Variants in KIF26B observed in about 807,000 individuals in gnomAD.
KIF26B encodes kinesin-like protein KIF26B.
In KIF26B, 63 loss-of-function variants were observed where a neutral mutation model predicts 151.2. The observed-to-expected ratio is 0.42, with a 90% CI of 0.34 to 0.51. The LOEUF is 0.51. Among genes scored for constraint, KIF26B ranks in the 20% least tolerant of loss-of-function variants. KIF26B has a pLI of 0.07. For synonymous variants in KIF26B, 1,357 were observed against 1,262.1 expected (o/e 1.08, Z -1.59); for missense variants, 2,813 against 2,913.6 (o/e 0.97, Z 0.79).
chr1:245,296,967 A>C (rs1230778380), intron 2 of KIF26B, among the ~76,000 whole-genome samples: 2 of 152,240 alleles, frequency 1.3e-5, no homozygotes, highest in Non-Finnish European at 2.9e-5. Flanking sequence ...TGAAGCAAGC[A>C]GAACTGACCT....
intron 2 of KIF26B, among the ~76,000 whole-genome samples, chr1:245,250,999 C>T (rs1558361814): frequency 6.6e-6 from 1 of 152,116 alleles, no homozygotes; most frequent in Non-Finnish European, 1.5e-5. Flanking sequence ...CAGAGGAAAC[C>T]ACGTGCAAGC....
In KIF26B at chr1:245,642,555, C is replaced by T. The variant is rs564022340; in HGVS notation, c.2099-3566C>T. 2.1e-3 allele frequency among the ~76,000 whole-genome samples: 254 copies of T among 123,048 alleles called. 1 individual carries two copies. Among genetic ancestry groups the T allele is most frequent in the Admixed American group, 2.9e-3 (33 of 11,560 alleles). 80.7% of individuals were successfully genotyped at this position (123,048 alleles called of 152,430 possible). On this transcript the variant is annotated intron_variant, in intron 9 of 14. Coordinates refer to ENST00000407071, the MANE Select transcript of KIF26B (RefSeq NM_018012.4). ...CAGCCTGGGGGACAGAGCGAGACTC[C>T]GTCTCAGAAAAAAAAAAAAAAAAAA...
chr1:245,684,229 G>A lies in KIF26B; in HGVS notation c.2259-4G>A. On this transcript the variant is annotated splice_region_variant and splice_polypyrimidine_tract_variant and intron_variant, in intron 10 of 14. Transcript: ENST00000407071. Reference sequence around the variant, plus strand: ...AATGCAGCCTAATTCACTTTGTTTGGCAGAGAGAGCAAGCTCGCCATGTTG... The same window carrying A: ...AATGCAGCCTAATTCACTTTGTTTGACAGAGAGAGCAAGCTCGCCATGTTG... 6.2e-7 allele frequency: 1 copy of A among 1,611,480 alleles called. No individual in the cohort carries two copies. Among genetic ancestry groups the A allele is most frequent in the Non-Finnish European group, 8.5e-7 (1 of 1,177,856 alleles).
intron 4 of KIF26B, among the ~76,000 whole-genome samples, chr1:245,430,326 C>T (rs1473829714): frequency 6.6e-6 from 1 of 151,916 alleles, no homozygotes; most frequent in African/African-American, 2.4e-5. Context: ...TACAGTACCG[C>T]TATAATATGT....
intron 2 of KIF26B, among the ~76,000 whole-genome samples, chr1:245,336,489 A>T (rs1672236229): frequency 6.6e-6 from 1 of 152,074 alleles, no homozygotes; most frequent in African/African-American, 2.4e-5. Context: ...CTGGGGAGGG[A>T]TGCTGTTTTG....
In KIF26B at chr1:245,352,242, CT is replaced by C. The variant is rs1423657885; in HGVS notation, c.466-14591del. Among the ~76,000 whole-genome samples, 2 of 152,144 alleles carry C rather than the reference CT, an allele frequency of 1.3e-5. No homozygotes were observed. The highest frequency in any genetic ancestry group is 2.4e-5 in the African/African-American group (1 of 41,444). Reference sequence around the variant, plus strand: ...TAGGTTTTTATTCTACCATTCCTACCTCCAGTTTTTTGTTTGTTTGTTTGTT... The same window carrying C: ...TAGGTTTTTATTCTACCATTCCTACCCCAGTTTTTTGTTTGTTTGTTTGTT... On this transcript the variant is annotated intron_variant, in intron 2 of 14. Coordinates refer to ENST00000407071, the MANE Select transcript of KIF26B (RefSeq NM_018012.4). This position sits in a 1 kb window ranked among gnomAD's most constrained non-coding sequence, Gnocchi z 5.0.
At chr1:245,670,492 AT>A (rs35792058) in intron 10 of KIF26B, among the ~76,000 whole-genome samples, 5 of 148,030 alleles carry the variant, frequency 3.4e-5, no homozygotes, top group African/African-American at 1.0e-4. Context: ...CCTAGTTATC[AT>A]TTTTTTTTGT....
Position 245,412,911 on chromosome 1 carries a change from G to A in KIF26B, c.1000-6668G>A, listed in dbSNP as rs74153576. Among the ~76,000 whole-genome samples the A allele has an allele frequency of 6.2e-3, 951 of 152,222 alleles. 12 individuals are homozygous for A. The highest frequency in any genetic ancestry group is 0.021 in the African/African-American group (871 of 41,504). On this transcript the variant is annotated intron_variant, in intron 3 of 14. Transcript: ENST00000407071. ...CACATGCACACGTGTCGACACCTGCGCAGACACACATGTGCACCCTCTCCC... is the reference window on the plus strand; with the variant it reads ...CACATGCACACGTGTCGACACCTGCACAGACACACATGTGCACCCTCTCCC...
chr1:245,234,328 G>C (rs1233564433), intron 2 of KIF26B: 1 of 152,220 alleles, frequency 6.6e-6, no homozygotes, highest in African/African-American at 2.4e-5. Context: ...ACGCCCCCCT[G>C]CCGGGCTGGG....
At chr1:245,198,375 A>G (rs960202400) in intron 2 of KIF26B, among the ~76,000 whole-genome samples, 1 of 152,252 alleles carries the variant, frequency 6.6e-6, no homozygotes, top group Non-Finnish European at 1.5e-5. Flanking sequence ...GTTATTTAAT[A>G]TAGGGATTAA....
chr1:245,650,042 C>T (rs994973810), intron 10 of KIF26B, among the ~76,000 whole-genome samples: 26 of 152,288 alleles, frequency 1.7e-4, no homozygotes, highest in African/African-American at 6.0e-4. Context: ...ACAGGCTTGC[C>T]GGCCAGTCCA....
At chr1:245,333,653 C>T (rs1672162666) in intron 2 of KIF26B, among the ~76,000 whole-genome samples, 1 of 152,182 alleles carries the variant, frequency 6.6e-6, no homozygotes, top group Admixed American at 6.5e-5. Context: ...TGTAACTCTC[C>T]ATTTTTTATC....
At chr1:245,345,353 T>A (rs576417604) in intron 2 of KIF26B, among the ~76,000 whole-genome samples, 1 of 152,186 alleles carries the variant, frequency 6.6e-6, no homozygotes, top group East Asian at 1.9e-4. Context: ...AAACATCAGA[T>A]CTAACCACCT....
chr1:245,185,447 G>A (rs1022884497), intron 2 of KIF26B, among the ~76,000 whole-genome samples: 3 of 152,202 alleles, frequency 2.0e-5, no homozygotes, highest in Non-Finnish European at 4.4e-5. Context: ...AGGGAGGGGG[G>A]TCTGGATAAA....
chr1:245,521,330 G>A (rs1661102637), intron 4 of KIF26B, among the ~76,000 whole-genome samples: 1 of 144,642 alleles, frequency 6.9e-6, no homozygotes. Flanking sequence ...GACAGAGCGA[G>A]ACTCCGTCTT....
rs1673245250 is a variant in KIF26B, at chr1:245,375,217, C to T, written c.999+7850C>T. On this transcript the variant is annotated intron_variant, in intron 3 of 14. Transcript: ENST00000407071. The surrounding 1 kb of genome is among the most constrained non-coding windows in gnomAD (Gnocchi z 4.2). ...TTCTCCTGCCTCAACCTCGGGATTA[C>T]AGGCATGGACCACCATGTCCGGCTA... 6.6e-6 allele frequency among the ~76,000 whole-genome samples: 1 copy of T among 152,186 alleles called. No individual in the cohort carries two copies. Among genetic ancestry groups the T allele is most frequent in the South Asian group, 2.1e-4 (1 of 4,830 alleles).
chr1:245,519,439 A>C (rs1454596575), intron 4 of KIF26B, among the ~76,000 whole-genome samples: 1 of 152,078 alleles, frequency 6.6e-6, no homozygotes, highest in Non-Finnish European at 1.5e-5. Flanking sequence ...CTGTAATTCC[A>C]GCTATTCTGG....
chr1:245,265,516 G>T (rs1371972582), intron 2 of KIF26B, among the ~76,000 whole-genome samples: 1 of 151,626 alleles, frequency 6.6e-6, no homozygotes, highest in African/African-American at 2.4e-5. Context: ...ATACATCAAT[G>T]TGAAAAGCAA....
chr1:245,521,994 C>T (rs575161552), intron 4 of KIF26B, among the ~76,000 whole-genome samples: 2 of 151,666 alleles, frequency 1.3e-5, no homozygotes, highest in Non-Finnish European at 3.0e-5. Flanking sequence ...CTCAGCCTCC[C>T]AAGTAGCTGG....
Sources: allele counts gnomAD v4.1 joint callset (sites outside exome capture counted in the v4.1 genomes callset), GRCh38; gene constraint gnomAD v4.1.1; non-coding constraint Gnocchi (gnomAD v3.1); transcripts MANE v1.5; gene names NCBI Gene and HGNC (gene_info 2026-07-23, HGNC 2026-07-21).